The following TTLL5 variants were observed in gnomAD, a reference collection of about 807,000 sequenced individuals.
TTLL5 encodes tubulin polyglutamylase TTLL5.
In TTLL5, 132 loss-of-function variants were observed where a neutral mutation model predicts 168.4. The observed-to-expected ratio is 0.78, with a 90% CI of 0.68 to 0.91. The LOEUF is 0.91. Among genes scored for constraint, TTLL5 ranks in the 40% least tolerant of loss-of-function variants. The pLI, the probability that TTLL5 is intolerant of heterozygous loss-of-function variation, is 0.00. For synonymous variants in TTLL5, 546 were observed against 558.6 expected, an observed-to-expected ratio of 0.98 and a Z score of 0.32; for missense variants, 1,545 against 1,581.5, an observed-to-expected ratio of 0.98 and a Z score of 0.39.
chr14:75,795,153 A>G (rs1160186812), intron 27 of TTLL5, among the ~76,000 whole-genome samples: 2 of 152,052 alleles, frequency 1.3e-5, no homozygotes, highest in East Asian at 1.9e-4. Context: ...GCCACTGACT[A>G]GCTGTGTGAT....
chr14:75,788,141 G>A (rs554191423), intron 26 of TTLL5, among the ~76,000 whole-genome samples: 1 of 151,658 alleles, frequency 6.6e-6, no homozygotes, highest in Non-Finnish European at 1.5e-5. Context: ...AAATAAATAA[G>A]TAAATAAGTA....
At chr14:75,735,328 A>T (rs1251214000) in intron 15 of TTLL5, 39 bp downstream of exon 15, 1 of 1,596,648 alleles carries the variant, frequency 6.3e-7, no homozygotes, top group Non-Finnish European at 8.6e-7. Context: ...AAGGAGGCTT[A>T]CTGGGAAGTG....
intron 28 of TTLL5, among the ~76,000 whole-genome samples, chr14:75,837,634 G>A (rs1422121355): frequency 6.6e-6 from 1 of 151,946 alleles, no homozygotes; most frequent in Non-Finnish European, 1.5e-5. Context: ...CACTACTGTG[G>A]TATTTTCTAT....
At chr14:75,694,150 G>A (rs1027842577) in intron 6 of TTLL5, among the ~76,000 whole-genome samples, 1 of 152,176 alleles carries the variant, frequency 6.6e-6, no homozygotes, top group Non-Finnish European at 1.5e-5. Flanking sequence ...TCCTGAGCAA[G>A]ACTGCCCGGC....
At chr14:75,826,277 T>C (rs1042184415) in intron 28 of TTLL5, among the ~76,000 whole-genome samples, 7 of 145,876 alleles carry the variant, frequency 4.8e-5, no homozygotes, top group Non-Finnish European at 1.5e-5. Flanking sequence ...AACCACCTTC[T>C]ATTTCCTTAG....
intron 31 of TTLL5, among the ~76,000 whole-genome samples, chr14:75,940,906 G>T (rs565256350): frequency 6.6e-6 from 1 of 152,150 alleles, no homozygotes; most frequent in African/African-American, 2.4e-5. Flanking sequence ...AGAAGAATTA[G>T]GCTTGTTGTA....
At chr14:75,908,192 G>C (rs2033223860) in intron 31 of TTLL5, among the ~76,000 whole-genome samples, 1 of 152,264 alleles carries the variant, frequency 6.6e-6, no homozygotes, top group South Asian at 2.1e-4. Flanking sequence ...GACAGCATGT[G>C]TGTATGGACA....
At chr14:75,785,485 A>G (rs993224811) in intron 26 of TTLL5, among the ~76,000 whole-genome samples, 5 of 151,860 alleles carry the variant, frequency 3.3e-5, no homozygotes, top group South Asian at 2.1e-4. Context: ...GGCCCCTCCT[A>G]TGTTTTATAG....
chr14:75,776,997 A>G (rs80026914), intron 23 of TTLL5, 147 bp downstream of exon 23: 1 of 647,734 alleles, frequency 1.5e-6, no homozygotes, highest in Non-Finnish European at 2.5e-6. Context: ...CTTTAGTTCT[A>G]GTTACTTGGG....
intron 6 of TTLL5, among the ~76,000 whole-genome samples, chr14:75,696,195 C>T (rs1025953556): frequency 1.3e-5 from 2 of 152,096 alleles, no homozygotes; most frequent in Admixed American, 1.3e-4. Context: ...AATAACTAGC[C>T]TGGTCGTTTC....
intron 2 of TTLL5, among the ~76,000 whole-genome samples, chr14:75,664,578 C>T (rs76424929): frequency 0.017 from 2,610 of 152,162 alleles, 93 homozygotes; most frequent in African/African-American, 0.059. Context: ...TTGTAAGATA[C>T]AAGATTACTT....
intron 31 of TTLL5, among the ~76,000 whole-genome samples, chr14:75,921,475 A>G (rs978903982): frequency 6.6e-6 from 1 of 152,232 alleles, no homozygotes; most frequent in Non-Finnish European, 1.5e-5. Context: ...CATTTATTAA[A>G]AAGGGAATCC....
At chr14:75,714,406 T>G (rs1594913099) in intron 9 of TTLL5, among the ~76,000 whole-genome samples, 1 of 152,270 alleles carries the variant, frequency 6.6e-6, no homozygotes, top group East Asian at 1.9e-4. Flanking sequence ...TTAAGAAAAA[T>G]CTATTGATTT....
intron 23 of TTLL5, among the ~76,000 whole-genome samples, chr14:75,778,801 T>G (rs73311431): frequency 0.015 from 2,338 of 152,340 alleles, 63 homozygotes; most frequent in African/African-American, 0.053. Context: ...ATCTGTTTCC[T>G]TATACTTTCT....
At chr14:75,691,992 C>A (rs1885498386) in intron 6 of TTLL5, among the ~76,000 whole-genome samples, 1 of 152,196 alleles carries the variant, frequency 6.6e-6, no homozygotes, top group Non-Finnish European at 1.5e-5. Flanking sequence ...CCACAGATGG[C>A]TCTGCAGTGG....
At chr14:75,693,873 T>C (rs1181425067) in intron 6 of TTLL5, among the ~76,000 whole-genome samples, 1 of 152,238 alleles carries the variant, frequency 6.6e-6, no homozygotes, top group Non-Finnish European at 1.5e-5. Flanking sequence ...ATGGGTAAAT[T>C]TGTAGAATTA....
intron 26 of TTLL5, 138 bp downstream of exon 26, chr14:75,783,668 C>T: frequency 8.2e-7 from 1 of 1,221,246 alleles, no homozygotes; most frequent in Non-Finnish European, 1.1e-6. Flanking sequence ...TCTGACGTGA[C>T]TAAAGAAGAC....
intron 27 of TTLL5, among the ~76,000 whole-genome samples, chr14:75,819,176 C>G (rs1894689634): frequency 6.6e-6 from 1 of 152,182 alleles, no homozygotes; most frequent in African/African-American, 2.4e-5. Context: ...ATGATAGCCA[C>G]CTGTCATTAA....
intron 27 of TTLL5, among the ~76,000 whole-genome samples, chr14:75,795,370 AGTT>A (rs1463083921): frequency 1.3e-5 from 2 of 152,196 alleles, no homozygotes; most frequent in Non-Finnish European, 1.5e-5. Context: ...ACTTTTTAGT[AGTT>A]TTTCAAAAAT....
Sources: gnomAD v4.1 joint callset for allele counts (sites outside exome capture counted in the v4.1 genomes callset) on GRCh38, gnomAD v4.1.1 for gene constraint, MANE v1.5 for transcripts, NCBI Gene and HGNC (gene_info 2026-07-23, HGNC 2026-07-21) for gene names.